The following LYRM4 variants were observed in gnomAD, a reference collection of about 807,000 sequenced individuals.
LYRM4 encodes LYR motif-containing protein 4.
LYRM4 carries 9 observed loss-of-function variants against 11.7 expected under a neutral mutation model. The ratio of observed to expected loss-of-function variants is 0.77; its 90% CI spans 0.46 to 1.34. LYRM4 has a LOEUF of 1.34. Ranked by LOEUF, LYRM4 falls within the 40% of genes most tolerant of loss-of-function variation. The pLI, the probability that LYRM4 is intolerant of heterozygous loss-of-function variation, is 0.00. For missense variants in LYRM4, 133 were observed against 112.5 expected, an observed-to-expected ratio of 1.18 and a Z score of -0.82; for synonymous variants, 42 against 40.4, an observed-to-expected ratio of 1.04 and a Z score of -0.15.
intron 2 of LYRM4, among the ~76,000 whole-genome samples, chr6:5,111,286 G>A (rs568077981): frequency 2.1e-4 from 32 of 152,274 alleles, no homozygotes; most frequent in African/African-American, 7.5e-4. Flanking sequence ...ATAACAGCTG[G>A]GATGGTTCAG....
intron 1 of LYRM4, among the ~76,000 whole-genome samples, chr6:5,253,254 T>A (rs1435371490): frequency 6.6e-6 from 1 of 152,244 alleles, no homozygotes; most frequent in East Asian, 1.9e-4. Flanking sequence ...TTTCTTAAGC[T>A]ATAAGAGGGA....
the LYRM4 span, among the ~76,000 whole-genome samples, chr6:5,054,842 G>C: frequency 6.6e-6 from 1 of 152,214 alleles, no homozygotes; most frequent in Admixed American, 6.5e-5. Context: ...ATCACATGAC[G>C]GATATCAGGC....
chr6:5,258,855 TAG>T (rs1764801843), intron 1 of LYRM4, among the ~76,000 whole-genome samples: 3 of 152,202 alleles, frequency 2.0e-5, no homozygotes, highest in Admixed American at 2.0e-4. Context: ...GCCTTTCAGG[TAG>T]AGTCTTGAAT....
intron 2 of LYRM4, among the ~76,000 whole-genome samples, chr6:5,187,438 T>G (rs993787105): frequency 6.6e-6 from 1 of 152,336 alleles, no homozygotes; most frequent in African/African-American, 2.4e-5. Flanking sequence ...GATTACAGCA[T>G]GTCCACACTG....
At chr6:5,166,210 A>G (rs892206502) in intron 2 of LYRM4, among the ~76,000 whole-genome samples, 9 of 152,370 alleles carry the variant, frequency 5.9e-5, no homozygotes, top group Middle Eastern at 3.4e-3. Context: ...TACAGTAACT[A>G]TCACTACAAA....
At chr6:5,100,520 G>T (rs1488836406), downstream of LYRM4, among the ~76,000 whole-genome samples, 1 of 150,766 alleles carries the variant, frequency 6.6e-6, no homozygotes, top group East Asian at 2.0e-4. Flanking sequence ...AGTTCTAAGA[G>T]AAAGTACTTC....
the LYRM4 span, among the ~76,000 whole-genome samples, chr6:5,084,022 C>A: frequency 3.9e-5 from 6 of 152,294 alleles, no homozygotes; most frequent in Non-Finnish European, 5.9e-5. Context: ...GTAATCCCAG[C>A]TACCTTAGAG....
chr6:5,152,234 C>T (rs559729684), intron 2 of LYRM4, among the ~76,000 whole-genome samples: 111 of 152,200 alleles, frequency 7.3e-4, no homozygotes, highest in Non-Finnish European at 3.1e-4. Context: ...CCAGTGAGAG[C>T]GGCAGACTCA....
intron 2 of LYRM4, among the ~76,000 whole-genome samples, chr6:5,215,401 A>G (rs1374926129): frequency 1.3e-5 from 2 of 152,176 alleles, no homozygotes; most frequent in African/African-American, 4.8e-5. Flanking sequence ...AGTATACATA[A>G]ATGTGCAGAT....
chr6:5,041,216 A>G, the LYRM4 span, among the ~76,000 whole-genome samples: 3 of 78,130 alleles, frequency 3.8e-5, no homozygotes, highest in Non-Finnish European at 7.3e-5. Flanking sequence ...GGAGTGACAA[A>G]CTTATAGTTA....
At chr6:5,256,568 T>C (rs2127781822) in intron 1 of LYRM4, among the ~76,000 whole-genome samples, 1 of 144,174 alleles carries the variant, frequency 6.9e-6, no homozygotes, top group South Asian at 2.3e-4. Flanking sequence ...CAGGACCCTT[T>C]TACACTGTGT....
At chr6:5,172,780 T>G (rs1409758753) in intron 2 of LYRM4, among the ~76,000 whole-genome samples, 2 of 152,210 alleles carry the variant, frequency 1.3e-5, no homozygotes, top group African/African-American at 4.8e-5. Flanking sequence ...CTAAAATTAT[T>G]CCTTGATGAT....
the LYRM4 span, among the ~76,000 whole-genome samples, chr6:5,078,936 T>A: frequency 6.6e-6 from 1 of 152,196 alleles, no homozygotes; most frequent in Non-Finnish European, 1.5e-5. Context: ...ATACTTAAAA[T>A]TTTTAAATAT....
chr6:5,145,553 C>T (rs904845154), intron 2 of LYRM4, among the ~76,000 whole-genome samples: 10 of 152,180 alleles, frequency 6.6e-5, no homozygotes, highest in African/African-American at 2.2e-4. Context: ...GCCCTCTACC[C>T]ACCAAGTAAT....
intron 2 of LYRM4, among the ~76,000 whole-genome samples, chr6:5,117,597 G>C (rs1018389431): frequency 2.6e-5 from 4 of 152,068 alleles, no homozygotes; most frequent in Non-Finnish European, 5.9e-5. Context: ...GCTTAAAGGG[G>C]CTTTTGTAGC....
At chr6:5,099,391 C>CTCTATCTA (rs58771475), downstream of LYRM4, among the ~76,000 whole-genome samples, 68,213 of 145,180 alleles carry the variant, frequency 0.47, 16,244 homozygotes, top group South Asian at 0.53. The surrounding 1 kb of genome is among the most constrained non-coding windows in gnomAD (Gnocchi z 4.3). Context: ...AAATCTATTT[C>CTCTATCTA]TCTATCTATC....
At chr6:5,193,368 T>C (rs1760875088) in intron 2 of LYRM4, among the ~76,000 whole-genome samples, 1 of 152,168 alleles carries the variant, frequency 6.6e-6, no homozygotes, top group African/African-American at 2.4e-5. Context: ...TTTCAAATTG[T>C]AGCTTGCTAG....
At chr6:5,250,111 T>C (rs1239153158) in intron 1 of LYRM4, among the ~76,000 whole-genome samples, 1 of 152,304 alleles carries the variant, frequency 6.6e-6, no homozygotes, top group Middle Eastern at 3.4e-3. Flanking sequence ...GGCCTAACTT[T>C]ACTCCTCATT....
At chr6:5,110,449 C>G (rs1186555761) in intron 2 of LYRM4, among the ~76,000 whole-genome samples, 1 of 152,184 alleles carries the variant, frequency 6.6e-6, no homozygotes, top group Non-Finnish European at 1.5e-5. Context: ...CCAAGGACCG[C>G]CGCGCCGTCC....
Sources: allele counts gnomAD v4.1 joint callset (sites outside exome capture counted in the v4.1 genomes callset), GRCh38; gene constraint gnomAD v4.1.1; non-coding constraint Gnocchi (gnomAD v3.1); transcripts MANE v1.5; gene names NCBI Gene and HGNC (gene_info 2026-07-23, HGNC 2026-07-21).